The following ZNF782 variants were observed in gnomAD, a reference collection of about 807,000 sequenced individuals.
ZNF782 encodes the protein zinc finger protein 782.
ZNF782 carries 12 observed loss-of-function variants against 13.0 expected under a neutral mutation model. The observed-to-expected ratio is 0.92, with a 90% CI of 0.59 to 1.50. ZNF782 has a LOEUF of 1.50. Among genes scored for constraint, ZNF782 ranks in the 40% most tolerant of loss-of-function variants. The pLI, the probability that ZNF782 is intolerant of heterozygous loss-of-function variation, is 0.00. For synonymous variants in ZNF782, 284 were observed against 283.0 expected (o/e 1.00, Z -0.04); for missense variants, 770 against 822.9 (o/e 0.94, Z 0.79).
upstream of ZNF782, among the ~76,000 whole-genome samples, chr9:96,879,792 A>T (rs1029142232): frequency 7.2e-5 from 11 of 152,236 alleles, no homozygotes; most frequent in African/African-American, 2.7e-4. Context: ...GTTTTTAGCT[A>T]ATATGTAGTA....
the ZNF782 span, among the ~76,000 whole-genome samples, chr9:96,901,908 T>C: frequency 6.7e-6 from 1 of 150,040 alleles, no homozygotes; most frequent in Non-Finnish European, 1.5e-5. Context: ...TGAATTTGAC[T>C]TTTAAAATTA....
the ZNF782 span, among the ~76,000 whole-genome samples, chr9:96,915,154 T>TA: frequency 0.01 from 1,561 of 151,980 alleles, 29 homozygotes; most frequent in African/African-American, 0.035. Context: ...AGGTATCCAA[T>TA]ATAATAAATT....
At chr9:96,870,112 G>A (rs1851807033) in intron 1 of ZNF782, among the ~76,000 whole-genome samples, 1 of 152,148 alleles carries the variant, frequency 6.6e-6, no homozygotes, top group Non-Finnish European at 1.5e-5. Flanking sequence ...GACAGAACTT[G>A]GCATTGTAAA....
At chr9:96,835,264 G>A (rs1048576387) in intron 4 of ZNF782, among the ~76,000 whole-genome samples, 1 of 152,192 alleles carries the variant, frequency 6.6e-6, no homozygotes, top group East Asian at 1.9e-4. Flanking sequence ...ATAATCTAAA[G>A]ATGGAATTTA....
At chr9:96,918,020 G>GT in the ZNF782 span, among the ~76,000 whole-genome samples, 1 of 151,038 alleles carries the variant, frequency 6.6e-6, no homozygotes, top group African/African-American at 2.4e-5. Context: ...GGGATTGTAC[G>GT]TATGGGCCAC....
chr9:96,818,367 A>G lies in ZNF782; in HGVS notation c.1656T>C (p.His552=). The part of the protein sequence containing the change: ...AFGQKSQLRG[H]HRIHTGEKPY... ...GTTTTTCCCCTGTGTGAATTCTATG[A>G]TGTCCTCTGAGTTGTGATTTCTGAC... The change falls in exon 6 of 6, where the codon CAT becomes CAC. Residue 552 remains histidine, a synonymous_variant. Transcript: ENST00000481138. The G allele has an allele frequency of 6.2e-7, 1 of 1,613,882 alleles. No homozygotes were observed. Among genetic ancestry groups the G allele is most frequent in the Non-Finnish European group, 8.5e-7 (1 of 1,179,952 alleles).
At chr9:96,838,535 T>C (rs1055345169) in intron 4 of ZNF782, among the ~76,000 whole-genome samples, 1 of 152,144 alleles carries the variant, frequency 6.6e-6, no homozygotes, top group Admixed American at 6.5e-5. Context: ...CTCATATAAT[T>C]TGAAGCTGTT....
At chr9:96,924,985 G>C in the ZNF782 span, among the ~76,000 whole-genome samples, 1 of 152,252 alleles carries the variant, frequency 6.6e-6, no homozygotes, top group African/African-American at 2.4e-5. Flanking sequence ...CTGGTGACCA[G>C]CGGAAGCATG....
chr9:96,901,072 A>ATTCTC, the ZNF782 span, among the ~76,000 whole-genome samples: 1 of 148,728 alleles, frequency 6.7e-6, no homozygotes, highest in African/African-American at 2.5e-5. Flanking sequence ...AGGCAGGAGA[A>ATTCTC]CTGCTTGAAC....
upstream of ZNF782, among the ~76,000 whole-genome samples, chr9:96,876,752 T>A (rs1165247616): frequency 2.6e-5 from 4 of 151,774 alleles, no homozygotes; most frequent in Non-Finnish European, 5.9e-5. Context: ...ACGCCTGTAA[T>A]CCCAACACTT....
chr9:96,864,933 C>T (rs1851739932), intron 1 of ZNF782, among the ~76,000 whole-genome samples: 1 of 150,720 alleles, frequency 6.6e-6, no homozygotes, highest in Admixed American at 6.6e-5. Context: ...GTAGTCCCAG[C>T]TACTTGAAAG....
intron 4 of ZNF782, among the ~76,000 whole-genome samples, chr9:96,830,873 A>T (rs1850776786): frequency 6.6e-6 from 1 of 152,226 alleles, no homozygotes; most frequent in Admixed American, 6.5e-5. Flanking sequence ...GCAAAGAAAG[A>T]GAAGATATAT....
chr9:96,819,031 G>A lies in ZNF782; in HGVS notation c.992C>T (p.Thr331Ile). The A allele has an allele frequency of 6.2e-7, 1 of 1,614,158 alleles. No homozygotes were observed. Residue 331 changes from threonine to isoleucine, a missense_variant, in exon 6 of 6, where the codon ACT (threonine) becomes ATT (isoleucine). Thr to Ile is a moderately conservative substitution (Grantham distance 89). Coordinates refer to ENST00000481138, the MANE Select transcript of ZNF782 (RefSeq NM_001001662.3). The stretch of plus-strand genomic sequence containing the variant: ...ATCAGAGTATTTATCTGTTGCATGA[G>A]TTCTCTGATGCACTGGGAGGGTTGA... ...RNSTLPVHQR[T>I]HATDKYSDYH...
At position 96,819,652 on chromosome 9, in the gene ZNF782, C is replaced by G; in HGVS notation, c.371G>C (p.Arg124Pro). The change falls in exon 6 of 6, where the codon CGA becomes CCA. Residue 124 changes from arginine (R) to proline (P), a missense_variant. Coordinates refer to ENST00000481138, the MANE Select transcript of ZNF782 (RefSeq NM_001001662.3). ...TCTTGCACGAAAAATGTTTATGTCT[C>G]GATTATGTGGTTTTCCTGAAATTTC... ...EQEISGKPHNRDINIFRARMM... is the reference protein window; with the variant it reads ...EQEISGKPHNPDINIFRARMM... The G allele has an allele frequency of 1.9e-6, 3 of 1,613,880 alleles. No homozygotes were observed. Among genetic ancestry groups the G allele is most frequent in the Non-Finnish European group, 2.5e-6 (3 of 1,179,982 alleles).
chr9:96,844,935 A>G lies in ZNF782; in HGVS notation c.97T>C (p.Tyr33His), dbSNP rs555047090. Residue 33 changes from tyrosine (Y) to histidine (H), a missense_variant, in exon 4 of 6, where the codon TAC becomes CAC. Coordinates refer to ENST00000481138, the MANE Select transcript of ZNF782 (RefSeq NM_001001662.3). ...TAGTTCTCCAGCATCACATCTCTGT[A>G]CAGGGTCCTCTCAACAGGGCCCATG... Reference protein sequence around the residue: ...QHMGPVERTLYRDVMLENYSH... With the variant: ...QHMGPVERTLHRDVMLENYSH... The G allele has an allele frequency of 4.3e-6, 7 of 1,613,982 alleles. No individual in the cohort carries two copies. The East Asian group carries it at 1.1e-4, about 26-fold the overall frequency.
At chr9:96,881,275 T>C in the ZNF782 span, among the ~76,000 whole-genome samples, 1 of 152,042 alleles carries the variant, frequency 6.6e-6, no homozygotes, top group African/African-American at 2.4e-5. Flanking sequence ...ATTCCTCTTA[T>C]CTTTATCATT....
Position 96,819,370 on chromosome 9 carries a change from T to C in ZNF782, c.653A>G (p.Asn218Ser), listed in dbSNP as rs1447809842. The change falls in exon 6 of 6, where the codon AAT (asparagine) becomes AGT (serine). Residue 218 changes from asparagine (N) to serine (S), a missense_variant. Transcript: ENST00000481138. Reference sequence around the variant, plus strand: ...TTCAAGAAAAGCTTTTCTACTTTCATTATATTCAAAATCTTGCCCCAGAGT... The same window carrying C: ...TTCAAGAAAAGCTTTTCTACTTTCACTATATTCAAAATCTTGCCCCAGAGT... ...IQTLGQDFEYNESRKAFLEKA... is the reference protein window; with the variant it reads ...IQTLGQDFEYSESRKAFLEKA... 2 of 1,603,196 alleles carry C rather than the reference T, an allele frequency of 1.2e-6. No individual in the cohort carries two copies. The highest frequency in any genetic ancestry group is 1.3e-5 in the African/African-American group (1 of 74,286).
At chr9:96,837,221 GT>G (rs1447182165) in intron 4 of ZNF782, among the ~76,000 whole-genome samples, 3 of 152,132 alleles carry the variant, frequency 2.0e-5, no homozygotes, top group African/African-American at 4.8e-5. Flanking sequence ...TTGGTGAATG[GT>G]ACTAGACACT....
the ZNF782 span, among the ~76,000 whole-genome samples, chr9:96,917,644 C>T: frequency 2.6e-5 from 4 of 151,696 alleles, no homozygotes; most frequent in Non-Finnish European, 5.9e-5. Context: ...GTTGGCCAGG[C>T]TGGTCTCAAA....
Sources: allele counts gnomAD v4.1 joint callset (sites outside exome capture counted in the v4.1 genomes callset), GRCh38; gene constraint gnomAD v4.1.1; transcripts MANE v1.5; gene names NCBI Gene and HGNC (gene_info 2026-07-23, HGNC 2026-07-21).